The following PCSK6 variants were observed in gnomAD, a reference collection of about 807,000 sequenced individuals.
PCSK6 encodes the protein paired basic amino acid cleaving enzyme 4.
Under a neutral mutation model 123.3 loss-of-function variants are expected in PCSK6, and 85 were observed. That is an observed-to-expected ratio of 0.69 (90% CI 0.58 to 0.83). The LOEUF is 0.83. PCSK6 is among the 40% of genes least tolerant of loss of function. The pLI, the probability that PCSK6 is intolerant of heterozygous loss-of-function variation, is 0.00. For missense variants in PCSK6, 1,191 were observed against 1,282.3 expected (o/e 0.93, Z 1.09); for synonymous variants, 508 against 516.0 (o/e 0.98, Z 0.21).
At chr15:101,420,939 A>G (rs1271887144) in intron 6 of PCSK6, among the ~76,000 whole-genome samples, 2 of 151,924 alleles carry the variant, frequency 1.3e-5, no homozygotes, top group African/African-American at 4.8e-5. Context: ...GGGTTGAAGG[A>G]GTTTTGTTTC....
At chr15:101,328,754 C>T (rs905439329) in intron 15 of PCSK6, among the ~76,000 whole-genome samples, 19 of 152,194 alleles carry the variant, frequency 1.2e-4, no homozygotes, top group African/African-American at 4.1e-4. Context: ...CAGGTTAAGA[C>T]GATGCCCATC....
At chr15:101,475,888 T>G (rs770401240) in intron 1 of PCSK6, among the ~76,000 whole-genome samples, 1 of 152,122 alleles carries the variant, frequency 6.6e-6, no homozygotes, top group African/African-American at 2.4e-5. Flanking sequence ...AATATGACAA[T>G]TGGTCATCAC....
At chr15:101,325,889 C>T (rs1380377257) in intron 16 of PCSK6, among the ~76,000 whole-genome samples, 2 of 152,224 alleles carry the variant, frequency 1.3e-5, no homozygotes, top group African/African-American at 4.8e-5. Context: ...GTAAACTCAG[C>T]CTCATGGGCT....
chr15:101,464,568 C>G (rs1326611449), intron 1 of PCSK6, among the ~76,000 whole-genome samples: 4 of 152,160 alleles, frequency 2.6e-5, no homozygotes, highest in African/African-American at 7.2e-5. Flanking sequence ...GTTGGGCCCT[C>G]TCCCGGAGTC....
chr15:101,391,587 C>T (rs920842229), intron 8 of PCSK6, among the ~76,000 whole-genome samples: 1 of 152,236 alleles, frequency 6.6e-6, no homozygotes, highest in Non-Finnish European at 1.5e-5. Context: ...TGTGTCACCA[C>T]AGGACATCCC....
Position 101,369,017 on chromosome 15 carries a change from G to C in PCSK6, c.1721+1318C>G, listed in dbSNP as rs116423261. 8.4e-3 allele frequency among the ~76,000 whole-genome samples: 1,281 copies of C among 152,254 alleles called. 23 individuals carry two copies. The highest frequency in any genetic ancestry group is 0.029 in the African/African-American group (1,225 of 41,568). ...CCGGGCCTCCCGGCAGGAGGGAGAG[G>C]TGCCCCTGTGACACTCGTGCTATGA... On this transcript the variant is annotated intron_variant, in intron 12 of 21. Coordinates refer to ENST00000611716, the MANE Select transcript of PCSK6 (RefSeq NM_002570.5).
chr15:101,441,398 T>G (rs1020035277), intron 2 of PCSK6, among the ~76,000 whole-genome samples: 14 of 152,062 alleles, frequency 9.2e-5, no homozygotes, highest in Admixed American at 6.6e-4. Flanking sequence ...CCTGCCTTGC[T>G]CATGCACAGG....
chr15:101,472,129 G>A (rs2057620975), intron 1 of PCSK6, among the ~76,000 whole-genome samples: 1 of 152,222 alleles, frequency 6.6e-6, no homozygotes, highest in Admixed American at 6.5e-5. Flanking sequence ...ACCCAGCAAG[G>A]GGACACAGGC....
At chr15:101,335,036 T>C (rs1446622678) in intron 13 of PCSK6, among the ~76,000 whole-genome samples, 9 of 152,216 alleles carry the variant, frequency 5.9e-5, no homozygotes, top group Non-Finnish European at 8.8e-5. Flanking sequence ...CATGGCTCAC[T>C]GCAGCCCCAA....
At chr15:101,331,076 G>A (rs2040362081) in intron 15 of PCSK6, among the ~76,000 whole-genome samples, 1 of 152,174 alleles carries the variant, frequency 6.6e-6, no homozygotes, top group Non-Finnish European at 1.5e-5. Context: ...GCTACAGGAG[G>A]GCTCAGAGGG....
rs74370443 is a variant in PCSK6 at position 101,306,365 on chromosome 15, T to G, written c.2812+848A>C. Among the ~76,000 whole-genome samples, 6 of 150,082 alleles carry G rather than the reference T, an allele frequency of 4.0e-5. No homozygotes were observed. In the East Asian group the frequency reaches 1.2e-3, roughly 30 times the overall value. ...CCCTCCCGCCACCCCCCAAAAATAA[T>G]AACCAGTAACAAGGCAAGGAGGCAT... On this transcript the variant is annotated intron_variant, in intron 21 of 21. Coordinates refer to ENST00000611716, the MANE Select transcript of PCSK6 (RefSeq NM_002570.5).
chr15:101,448,477 A>AC (rs779632055), intron 1 of PCSK6, among the ~76,000 whole-genome samples: 2 of 152,312 alleles, frequency 1.3e-5, no homozygotes, highest in African/African-American at 2.4e-5. Context: ...CCCCTCCTTC[A>AC]CCTGTCCCCC....
intron 6 of PCSK6, among the ~76,000 whole-genome samples, chr15:101,408,963 C>G (rs3825901): frequency 6.6e-6 from 1 of 152,048 alleles, no homozygotes; most frequent in Non-Finnish European, 1.5e-5. Context: ...TGGTCGCTGC[C>G]GTTTACTTTT....
intron 1 of PCSK6, among the ~76,000 whole-genome samples, chr15:101,463,290 C>T (rs915653712): frequency 6.6e-6 from 1 of 152,148 alleles, no homozygotes; most frequent in African/African-American, 2.4e-5. Flanking sequence ...TCCTCTGCCC[C>T]CTTCTACAGG....
chr15:101,375,060 C>T (rs1285575170), intron 11 of PCSK6, among the ~76,000 whole-genome samples: 1 of 151,578 alleles, frequency 6.6e-6, no homozygotes, highest in Non-Finnish European at 1.5e-5. Flanking sequence ...TCAAGCAATT[C>T]TCCCGCCTCA....
intron 7 of PCSK6, among the ~76,000 whole-genome samples, chr15:101,395,916 C>A (rs768317397): frequency 6.6e-6 from 1 of 152,150 alleles, no homozygotes; most frequent in Non-Finnish European, 1.5e-5. Context: ...TTAAACAGAT[C>A]TTTGTGCCAA....
chr15:101,488,135 G>A (rs1320113859), intron 1 of PCSK6, among the ~76,000 whole-genome samples: 1 of 152,040 alleles, frequency 6.6e-6, no homozygotes, highest in Non-Finnish European at 1.5e-5. Flanking sequence ...TATCAATCAG[G>A]GACGCCACCA....
chr15:101,352,785 C>T (rs553965492), intron 13 of PCSK6, among the ~76,000 whole-genome samples: 13 of 152,254 alleles, frequency 8.5e-5, no homozygotes, highest in Non-Finnish European at 1.9e-4. Flanking sequence ...AATTTTGTTG[C>T]GATGTTGATG....
intron 6 of PCSK6, among the ~76,000 whole-genome samples, chr15:101,413,311 T>C (rs1249864740): frequency 2.6e-5 from 4 of 152,098 alleles, no homozygotes; most frequent in East Asian, 3.8e-4. Context: ...GCTGGTAAAG[T>C]GACAACACCC....
Sources: allele counts gnomAD v4.1 joint callset (sites outside exome capture counted in the v4.1 genomes callset), GRCh38; gene constraint gnomAD v4.1.1; transcripts MANE v1.5; gene names NCBI Gene and HGNC (gene_info 2026-07-23, HGNC 2026-07-21).